FANCB: variants seen among roughly 807,000 people sequenced by gnomAD.
FANCB encodes the protein Fanconi anemia group B protein.
In FANCB, 5 loss-of-function variants were observed where a neutral mutation model predicts 38.9. The observed-to-expected ratio is 0.13, with a 90% CI of 0.07 to 0.27. FANCB has a LOEUF of 0.27. FANCB is among the 10% of genes least tolerant of loss of function. The pLI is 1.00. For missense variants in FANCB, 573 were observed against 602.7 expected (o/e 0.95, Z 0.52); for synonymous variants, 236 against 215.4 (o/e 1.10, Z -0.84).
the FANCB span, among the ~76,000 whole-genome samples, chrX:14,802,581 A>G: frequency 6.0e-4 from 67 of 112,056 alleles, no homozygotes; most frequent in Non-Finnish European, 1.1e-3. Flanking sequence ...GGAGGCAGGA[A>G]AATTCAATGG....
the FANCB span, among the ~76,000 whole-genome samples, chrX:14,731,964 A>G: frequency 2.7e-5 from 3 of 110,916 alleles, no homozygotes; most frequent in Admixed American, 1.9e-4. Flanking sequence ...TACACGTGCC[A>G]TGGTGGTTTT....
chrX:14,850,586 T>A lies in FANCB; in HGVS notation c.1415A>T (p.Glu472Val), dbSNP rs1319642184. Residue 472 changes from glutamate to valine, a missense_variant, in exon 7 of 10, where the codon GAA becomes GTA. Transcript: ENST00000650831. ...EKLSDNFQDS[E>V]QLVEKIWYRV... is the part of the protein sequence containing the mutation. ...ATACCATATCTTCTCTACTAGCTGT[T>A]CTGAATCTTGAAAATTGTCTGATAA... is the stretch of plus-strand genomic sequence containing the variant. The A allele has an allele frequency of 8.4e-7, 1 of 1,194,308 alleles. No individual in the cohort carries two copies. The highest frequency in any genetic ancestry group is 1.8e-5 in the South Asian group (1 of 56,541).
downstream of FANCB, among the ~76,000 whole-genome samples, chrX:14,833,917 C>T (rs1358987729): frequency 9.0e-6 from 1 of 111,476 alleles, no homozygotes; most frequent in Non-Finnish European, 1.9e-5. Flanking sequence ...ATCACTTGTG[C>T]CTGGGAGGTA....
At chrX:14,736,283 GA>G in the FANCB span, among the ~76,000 whole-genome samples, 17 of 104,847 alleles carry the variant, frequency 1.6e-4, no homozygotes, top group African/African-American at 3.1e-4. Context: ...ACTGGGGTAT[GA>G]AAAAAAAAAA....
the FANCB span, among the ~76,000 whole-genome samples, chrX:14,725,424 G>T: frequency 9.0e-6 from 1 of 110,875 alleles, no homozygotes; most frequent in Non-Finnish European, 1.9e-5. Flanking sequence ...AGTCCATTAT[G>T]TCCTTGCATT....
the FANCB span, among the ~76,000 whole-genome samples, chrX:14,764,216 C>G: frequency 9.0e-6 from 1 of 111,445 alleles, no homozygotes; most frequent in Non-Finnish European, 1.9e-5. Context: ...GGGTCTTAGG[C>G]TCACATGGTT....
the FANCB span, among the ~76,000 whole-genome samples, chrX:14,796,352 T>C: frequency 3.0e-3 from 302 of 101,666 alleles, 1 homozygote; most frequent in African/African-American, 0.01. Flanking sequence ...ACAGAACCAA[T>C]AGGATATATG....
chrX:14,718,812 G>A, the FANCB span, among the ~76,000 whole-genome samples: 1 of 111,588 alleles, frequency 9.0e-6, no homozygotes, highest in Admixed American at 9.5e-5. Context: ...CAGTGAACAT[G>A]GCAAGGCTGC....
At chrX:14,721,704 G>A in the FANCB span, among the ~76,000 whole-genome samples, 21 of 110,996 alleles carry the variant, frequency 1.9e-4, no homozygotes, top group African/African-American at 4.3e-4. Flanking sequence ...AGGACCCTTC[G>A]CAGGCTGAAA....
At chrX:14,830,014 C>T in the FANCB span, among the ~76,000 whole-genome samples, 3 of 111,991 alleles carry the variant, frequency 2.7e-5, no homozygotes, top group Non-Finnish European at 5.6e-5. Context: ...AGACATGCAA[C>T]TCTTCCTTTC....
At chrX:14,751,528 T>C in the FANCB span, among the ~76,000 whole-genome samples, 1 of 111,870 alleles carries the variant, frequency 8.9e-6, no homozygotes, top group Non-Finnish European at 1.9e-5. Flanking sequence ...GGGATGCAGG[T>C]AATGTTCTCT....
chrX:14,775,125 C>T, the FANCB span, among the ~76,000 whole-genome samples: 1 of 105,815 alleles, frequency 9.5e-6, no homozygotes, highest in African/African-American at 3.4e-5. Context: ...AGCCACCGCA[C>T]CCGGCCTCCA....
At chrX:14,690,982 C>T in the FANCB span, 3 of 697,078 alleles carry the variant, frequency 4.3e-6, no homozygotes, top group Non-Finnish European at 6.4e-6. Context: ...TCTGATTTGT[C>T]CTACTACACT....
At chrX:14,705,708 T>G in the FANCB span, among the ~76,000 whole-genome samples, 1 of 112,318 alleles carries the variant, frequency 8.9e-6, no homozygotes, top group African/African-American at 3.2e-5. Context: ...ACTCTTTTAC[T>G]CTACATAAAG....
the FANCB span, among the ~76,000 whole-genome samples, chrX:14,815,623 C>T: frequency 8.9e-6 from 1 of 111,918 alleles, no homozygotes; most frequent in African/African-American, 3.2e-5. Flanking sequence ...TCTCAAACAA[C>T]TAAAAATAGA....
the FANCB span, among the ~76,000 whole-genome samples, chrX:14,768,260 A>G: frequency 8.9e-6 from 1 of 111,744 alleles, no homozygotes; most frequent in African/African-American, 3.3e-5. Context: ...CAGTATAGCC[A>G]TTTTCATTAT....
chrX:14,842,332 G>T (rs2092357566), downstream of FANCB, among the ~76,000 whole-genome samples: 2 of 111,538 alleles, frequency 1.8e-5, no homozygotes, highest in South Asian at 7.4e-4. Flanking sequence ...TGCATCACAA[G>T]ATCATTAGGT....
chrX:14,831,780 T>C (rs1032787440), downstream of FANCB, among the ~76,000 whole-genome samples: 2 of 111,955 alleles, frequency 1.8e-5, no homozygotes, highest in African/African-American at 6.5e-5. Flanking sequence ...ACAAGACAAC[T>C]GTGGCAGCAG....
chrX:14,809,579 T>C, the FANCB span, among the ~76,000 whole-genome samples: 1 of 112,142 alleles, frequency 8.9e-6, no homozygotes, highest in Non-Finnish European at 1.9e-5. Context: ...CGCTGAATGC[T>C]AGCACAGCAG....
Sources: allele counts gnomAD v4.1 joint callset (sites outside exome capture counted in the v4.1 genomes callset), GRCh38; gene constraint gnomAD v4.1.1; transcripts MANE v1.5; gene names NCBI Gene and HGNC (gene_info 2026-07-23, HGNC 2026-07-21).